The following TTBK2 variants were observed in gnomAD, a reference collection of about 807,000 sequenced individuals.
TTBK2 encodes tau-tubulin kinase 2.
Under a neutral mutation model 110.8 loss-of-function variants are expected in TTBK2, and 28 were observed. That is an observed-to-expected ratio of 0.25 (90% CI 0.19 to 0.35). The LOEUF is 0.35. Ranked by LOEUF, TTBK2 falls within the 10% of genes least tolerant of loss-of-function variation. The pLI is 1.00. For synonymous variants in TTBK2, 532 were observed against 527.3 expected (o/e 1.01, Z -0.12); for missense variants, 1,369 against 1,500.3 (o/e 0.91, Z 1.45).
intron 4 of TTBK2, among the ~76,000 whole-genome samples, chr15:42,831,188 A>C (rs1388495744): frequency 6.6e-6 from 1 of 152,020 alleles, no homozygotes; most frequent in African/African-American, 2.4e-5. Context: ...CCTACCTCAC[A>C]GAGCTCTGTG....
chr15:42,902,193 G>T (rs2030079592), intron 1 of TTBK2, among the ~76,000 whole-genome samples: 1 of 147,384 alleles, frequency 6.8e-6, no homozygotes, highest in African/African-American at 2.5e-5. Flanking sequence ...TCCAGCATGG[G>T]CAACAGAGCG....
chr15:42,909,152 G>T (rs560578450), intron 1 of TTBK2, among the ~76,000 whole-genome samples: 22 of 152,086 alleles, frequency 1.4e-4, no homozygotes, highest in Non-Finnish European at 3.1e-4. Flanking sequence ...TAAGAGACAG[G>T]GTCTCACTAT....
At chr15:42,878,788 A>C in intron 1 of TTBK2, 104 bp from the exon 2 acceptor site, 1 of 1,404,108 alleles carries the variant, frequency 7.1e-7, no homozygotes, top group Non-Finnish European at 9.6e-7. Flanking sequence ...TACACTAATT[A>C]GGCTATTTTG....
chr15:42,855,070 C>CA (rs1567061533), intron 3 of TTBK2: 1 of 152,050 alleles, frequency 6.6e-6, no homozygotes, highest in Non-Finnish European at 1.5e-5. Context: ...AAAGAAAATA[C>CA]AAATTTATTT....
In TTBK2 at chr15:42,828,030, C is replaced by T. The variant is rs371532899; in HGVS notation, c.435G>A (p.Ser145=). ...TAGGAAAGCGACCCATAGCGAAGTT[C>T]GACTAGAAAAATAAAGAAGGAAAAT... The part of the protein sequence containing the change: ...VGFLHRDIKP[S]NFAMGRFPST... Residue 145 remains serine (S), a splice_region_variant and synonymous_variant, in exon 6 of 15, where the codon TCG becomes TCA. Coordinates refer to ENST00000267890, the MANE Select transcript of TTBK2 (RefSeq NM_173500.4). 1.2e-5 allele frequency: 20 copies of T among 1,612,120 alleles called. No individual in the cohort carries two copies. The highest frequency in any genetic ancestry group is 2.2e-5 in the East Asian group (1 of 44,704).
chr15:42,773,244 T>C (rs929038476), intron 13 of TTBK2, among the ~76,000 whole-genome samples: 4 of 152,088 alleles, frequency 2.6e-5, no homozygotes, highest in African/African-American at 9.7e-5. Flanking sequence ...ATACAATTGA[T>C]GCAGCTGACA....
At chr15:42,914,012 T>C (rs1856992293) in intron 1 of TTBK2, among the ~76,000 whole-genome samples, 1 of 151,794 alleles carries the variant, frequency 6.6e-6, no homozygotes, top group Non-Finnish European at 1.5e-5. Context: ...AGTTTTGCTC[T>C]GTCACCCAGG....
chr15:42,781,361 A>G (rs1413030716), intron 11 of TTBK2, among the ~76,000 whole-genome samples: 1 of 152,184 alleles, frequency 6.6e-6, no homozygotes, highest in Middle Eastern at 3.2e-3. Context: ...TAAAAATACA[A>G]CACACCAAAA....
chr15:42,905,366 T>C (rs2141199376), intron 1 of TTBK2, among the ~76,000 whole-genome samples: 1 of 152,250 alleles, frequency 6.6e-6, no homozygotes, highest in African/African-American at 2.4e-5. Flanking sequence ...CTTGACCTCC[T>C]GGGCTCAGAT....
In TTBK2 at chr15:42,743,901, A is replaced by T. The variant is rs1300935108; in HGVS notation, c.*1894T>A. 2 of 152,210 alleles carry T rather than the reference A, an allele frequency of 1.3e-5. No individual in the cohort carries two copies. Among genetic ancestry groups the T allele is most frequent in the Non-Finnish European group, 2.9e-5 (2 of 68,028 alleles). The allele number at this position is 152,210 out of a possible 1,614,324, so 9.4% of individuals were successfully genotyped here. On this transcript the variant is annotated 3_prime_UTR_variant, in exon 15 of 15. Coordinates refer to ENST00000267890, the MANE Select transcript of TTBK2 (RefSeq NM_173500.4). ...GTGTACATGAGGCACACAATAGAAA[A>T]GGAATTTCGCCATCTGTGATCTCGA...
At chr15:42,793,911 T>C (rs1464113881) in intron 10 of TTBK2, among the ~76,000 whole-genome samples, 1 of 151,952 alleles carries the variant, frequency 6.6e-6, no homozygotes, top group Non-Finnish European at 1.5e-5. Flanking sequence ...TGATAATTTG[T>C]CCCTATTCAG....
rs1481870194 is a variant in TTBK2, at chr15:42,742,356, T to A, written c.*3439A>T. The A allele has an allele frequency of 1.3e-5, 2 of 152,236 alleles. No homozygotes were observed. The highest frequency in any genetic ancestry group is 4.8e-5 in the African/African-American group (2 of 41,466). 9.4% of individuals were successfully genotyped at this position (152,236 alleles called of 1,614,324 possible). A position where few individuals can be genotyped will look rare whatever the true frequency, so the allele number is the denominator to read the frequency against. The stretch of plus-strand genomic sequence containing the variant: ...CATACCAGAGTTAAGAATGAGAGTG[T>A]CTGTCTGCCTAGGGCTTAACATTCA... On this transcript the variant is annotated 3_prime_UTR_variant, in exon 15 of 15. Transcript: ENST00000267890.
intron 6 of TTBK2, among the ~76,000 whole-genome samples, chr15:42,823,806 T>C (rs1461846814): frequency 6.6e-6 from 1 of 152,074 alleles, no homozygotes; most frequent in Non-Finnish European, 1.5e-5. Flanking sequence ...CAATTCTTCT[T>C]CTTCCAATGT....
At chr15:42,869,852 A>G (rs1288573037) in intron 3 of TTBK2, among the ~76,000 whole-genome samples, 1 of 152,184 alleles carries the variant, frequency 6.6e-6, no homozygotes, top group Non-Finnish European at 1.5e-5. Context: ...TAGCTAAAAC[A>G]TTCAAATACA....
chr15:42,779,734 C>A (rs1890099516), intron 11 of TTBK2, among the ~76,000 whole-genome samples: 1 of 152,112 alleles, frequency 6.6e-6, no homozygotes, highest in Non-Finnish European at 1.5e-5. Flanking sequence ...AATCCCAGCA[C>A]TTTGTGAGGT....
At chr15:42,809,129 TCTCCTGTCCAC>T (rs1448469688) in intron 9 of TTBK2, among the ~76,000 whole-genome samples, 1 of 152,208 alleles carries the variant, frequency 6.6e-6, no homozygotes, top group Non-Finnish European at 1.5e-5. Flanking sequence ...CAATTATCCT[TCTCCTGTCCAC>T]CTGCCCTCTG....
rs1555427628 is a variant in TTBK2 at position 42,815,958 on chromosome 15, A to AATATATATATATATATATATAT, written c.603+1073_603+1074insATATATATATATATATATATAT. Among the ~76,000 whole-genome samples the AATATATATATATATATATATAT allele has an allele frequency of 2.5e-4, 23 of 91,694 alleles. 1 individual carries two copies. Among genetic ancestry groups the AATATATATATATATATATATAT allele is most frequent in the South Asian group, 1.4e-3 (4 of 2,902 alleles). The allele number at this position is 91,694 out of a possible 152,430, so 60.2% of individuals were successfully genotyped here. On this transcript the variant is annotated intron_variant, in intron 7 of 14. Coordinates refer to ENST00000267890, the MANE Select transcript of TTBK2 (RefSeq NM_173500.4). ...TATATATATATATATTTAAAAAAAA[A>AATATATATATATATATATATAT]ATATATATATATATATATATTTGAG...
At chr15:42,890,924 A>G (rs1017713088) in intron 1 of TTBK2, among the ~76,000 whole-genome samples, 1 of 152,136 alleles carries the variant, frequency 6.6e-6, no homozygotes, top group African/African-American at 2.4e-5. Context: ...GATGGAGTGC[A>G]CTGGCGCAAT....
intron 1 of TTBK2, among the ~76,000 whole-genome samples, chr15:42,885,080 C>T (rs1895189946): frequency 6.6e-6 from 1 of 152,364 alleles, no homozygotes; most frequent in Non-Finnish European, 1.5e-5. Flanking sequence ...ACCACCCTTG[C>T]TGACTCTCTT....
Sources: allele counts gnomAD v4.1 joint callset (sites outside exome capture counted in the v4.1 genomes callset), GRCh38; gene constraint gnomAD v4.1.1; transcripts MANE v1.5; gene names NCBI Gene and HGNC (gene_info 2026-07-23, HGNC 2026-07-21).